GALNT18: variants seen among roughly 807,000 people sequenced by gnomAD.
The protein encoded by GALNT18 is GalNAc-transferase 18.
Under a neutral mutation model 69.5 loss-of-function variants are expected in GALNT18, and 44 were observed. The observed-to-expected ratio is 0.63, with a 90% CI of 0.50 to 0.81. GALNT18 has a LOEUF of 0.81. Among genes scored for constraint, GALNT18 ranks in the 40% least tolerant of loss-of-function variants. The probability of loss-of-function intolerance (pLI) is 0.00; values close to 1 mark genes in which losing one functional copy is unlikely to be tolerated. For missense variants in GALNT18, 715 were observed against 810.0 expected, an observed-to-expected ratio of 0.88 and a Z score of 1.42; for synonymous variants, 364 against 318.2, an observed-to-expected ratio of 1.14 and a Z score of -1.53.
chr11:11,335,165 C>A (rs562459034), intron 7 of GALNT18, among the ~76,000 whole-genome samples: 3 of 152,298 alleles, frequency 2.0e-5, no homozygotes, highest in Admixed American at 2.0e-4. Flanking sequence ...GGAAAAGTTT[C>A]TTTCTGCACT....
intron 6 of GALNT18, among the ~76,000 whole-genome samples, chr11:11,349,486 T>G (rs2133064918): frequency 6.6e-6 from 1 of 152,350 alleles, no homozygotes; most frequent in East Asian, 1.9e-4. Flanking sequence ...TTTGCCAATC[T>G]GATGGGCAAG....
In GALNT18 at chr11:11,402,468, A is replaced by G. The variant is rs932799579; in HGVS notation, c.596-23204T>C. 2.6e-5 allele frequency among the ~76,000 whole-genome samples: 4 copies of G among 152,288 alleles called. No homozygotes were observed. The South Asian group carries it at 8.3e-4, about 32-fold the overall frequency. On this transcript the variant is annotated intron_variant, in intron 3 of 10. Coordinates refer to ENST00000227756, the MANE Select transcript of GALNT18 (RefSeq NM_198516.3). The surrounding 1 kb of genome is among the most constrained non-coding windows in gnomAD (Gnocchi z 4.0). ...CCTCTGATCTGCTGCCATGCTGGGC[A>G]GAACTTTTCAGCAACAAAAAGCAAA...
intron 6 of GALNT18, among the ~76,000 whole-genome samples, chr11:11,346,097 T>A (rs1328034921): frequency 6.6e-6 from 1 of 152,244 alleles, no homozygotes; most frequent in African/African-American, 2.4e-5. Context: ...CTCTTTTGAT[T>A]TGCCCAGTGT....
rs1281654754 is a variant in GALNT18, at chr11:11,601,064, T to C, written c.235+20295A>G. Among the ~76,000 whole-genome samples, 1 of 152,204 alleles carries C rather than the reference T, an allele frequency of 6.6e-6. No homozygotes were observed. ...CATGATGCCTTTAATTTTTTCAGCA[T>C]AGTTTCCTTTAGTTCTTTGAACAAA... On this transcript the variant is annotated intron_variant, in intron 1 of 10. Transcript: ENST00000227756. The surrounding 1 kb of genome is among the most constrained non-coding windows in gnomAD (Gnocchi z 4.0).
Position 11,372,516 on chromosome 11 carries a change from C to T in GALNT18, c.1091G>A (p.Arg364Lys), listed in dbSNP as rs1198689965. The T allele has an allele frequency of 6.2e-7, 1 of 1,613,752 alleles. No homozygotes were observed. Among genetic ancestry groups the T allele is most frequent in the African/African-American group, 1.3e-5 (1 of 74,942 alleles). Residue 364 changes from arginine (R) to lysine (K), a missense_variant and splice_region_variant, in exon 6 of 11, where the codon AGG becomes AAG. Transcript: ENST00000227756. The surrounding 1 kb of genome is among the most constrained non-coding windows in gnomAD (Gnocchi z 4.9). ...GTTTGAGTGAGAAACCCCACTCACCCTGATCCCAAGCTCCACATTCTCGCC... is the reference window on the plus strand; with the variant it reads ...GTTTGAGTGAGAAACCCCACTCACCTTGATCCCAAGCTCCACATTCTCGCC... ...YGGENVELGI[R>K]VWQCGGSVEV... is the part of the protein sequence containing the mutation.
intron 9 of GALNT18, among the ~76,000 whole-genome samples, chr11:11,322,649 G>A (rs1849857538): frequency 6.6e-6 from 1 of 152,218 alleles, no homozygotes; most frequent in African/African-American, 2.4e-5. Flanking sequence ...AATACCAAAT[G>A]TTGGCAAGGA....
chr11:11,479,928 G>A (rs1406270148), intron 1 of GALNT18, among the ~76,000 whole-genome samples: 1 of 152,172 alleles, frequency 6.6e-6, no homozygotes, highest in African/African-American at 2.4e-5. Context: ...ACTGTGGAGA[G>A]GTAAGTTACC....
At position 11,495,188 on chromosome 11, in the gene GALNT18, G is replaced by A. The variant is rs182004987; in HGVS notation, c.236-46252C>T. 8.1e-3 allele frequency among the ~76,000 whole-genome samples: 1,235 copies of A among 152,294 alleles called. 11 individuals are homozygous for A. Among genetic ancestry groups the A allele is most frequent in the Admixed American group, 0.018 (273 of 15,298 alleles). On this transcript the variant is annotated intron_variant, in intron 1 of 10. Coordinates refer to ENST00000227756, the MANE Select transcript of GALNT18 (RefSeq NM_198516.3). ...CCTGGACTCGGGGTTTCGAACCGTA[G>A]GTTTCCAACTTTGTTTCCTACAGTC...
At chr11:11,397,168 G>T (rs1589968210) in intron 3 of GALNT18, among the ~76,000 whole-genome samples, 1 of 152,244 alleles carries the variant, frequency 6.6e-6, no homozygotes, top group East Asian at 1.9e-4. Context: ...GGTATTCTGG[G>T]CTTATCAACT....
intron 9 of GALNT18, among the ~76,000 whole-genome samples, chr11:11,299,938 C>T (rs1011662143): frequency 2.0e-5 from 3 of 152,208 alleles, no homozygotes; most frequent in African/African-American, 4.8e-5. Context: ...ACCAACACCT[C>T]AATACCTATG....
chr11:11,288,744 G>A (rs189902840), intron 10 of GALNT18, among the ~76,000 whole-genome samples: 43 of 152,328 alleles, frequency 2.8e-4, no homozygotes, highest in Non-Finnish European at 4.7e-4. Context: ...TCAGCCTGAA[G>A]TATTGGAAAT....
At position 11,439,560 on chromosome 11, in the gene GALNT18, T is replaced by C. The variant is rs1239038868; in HGVS notation, c.429-6773A>G. Among the ~76,000 whole-genome samples the C allele has an allele frequency of 6.6e-6, 1 of 152,234 alleles. No individual in the cohort carries two copies. Among genetic ancestry groups the C allele is most frequent in the Non-Finnish European group, 1.5e-5 (1 of 68,032 alleles). ...TACATGCTATTGCAACATGTTTTTATATGTGATCATTTAACAAACGTCAGT... is the reference window on the plus strand; with the variant it reads ...TACATGCTATTGCAACATGTTTTTACATGTGATCATTTAACAAACGTCAGT... On this transcript the variant is annotated intron_variant, in intron 2 of 10. Coordinates refer to ENST00000227756, the MANE Select transcript of GALNT18 (RefSeq NM_198516.3). This position sits in a 1 kb window ranked among gnomAD's most constrained non-coding sequence, Gnocchi z 4.4.
chr11:11,281,196 A>G (rs1460935388), intron 10 of GALNT18, among the ~76,000 whole-genome samples: 3 of 152,170 alleles, frequency 2.0e-5, no homozygotes, highest in Non-Finnish European at 4.4e-5. Flanking sequence ...GGAGCCAGGT[A>G]GAAAGGGAAG....
At chr11:11,533,590 C>A (rs4505056) in intron 1 of GALNT18, among the ~76,000 whole-genome samples, 5,949 of 152,270 alleles carry the variant, frequency 0.039, 418 homozygotes, top group African/African-American at 0.14. Context: ...ACCATGGCAC[C>A]CCACTCTCTC....
At position 11,396,468 on chromosome 11, in the gene GALNT18, C is replaced by A. The variant is rs570147736; in HGVS notation, c.596-17204G>T. Among the ~76,000 whole-genome samples, 1 of 152,140 alleles carries A rather than the reference C, an allele frequency of 6.6e-6. No homozygotes were observed. Among genetic ancestry groups the A allele is most frequent in the African/African-American group, 2.4e-5 (1 of 41,436 alleles). On this transcript the variant is annotated intron_variant, in intron 3 of 10. Coordinates refer to ENST00000227756, the MANE Select transcript of GALNT18 (RefSeq NM_198516.3). This position sits in a 1 kb window ranked among gnomAD's most constrained non-coding sequence, Gnocchi z 5.2. ...TCACGTGTGGGAGGTACCGATGAAT[C>A]AGACGAGGAAACTATCCAGATGGGA...
rs563583113 is a variant in GALNT18, at chr11:11,514,137, A to G, written c.236-65201T>C. Among the ~76,000 whole-genome samples, 3 of 152,362 alleles carry G rather than the reference A, an allele frequency of 2.0e-5. No individual in the cohort carries two copies. The South Asian group carries it at 6.2e-4, about 32-fold the overall frequency. ...AACTTGGACCCAAACCCATCCAATGATTCCCACATCACAGAAGAGGAAACT... is the reference window on the plus strand; with the variant it reads ...AACTTGGACCCAAACCCATCCAATGGTTCCCACATCACAGAAGAGGAAACT... On this transcript the variant is annotated intron_variant, in intron 1 of 10. Transcript: ENST00000227756.
At chr11:11,357,401 A>G (rs1174595646) in intron 6 of GALNT18, among the ~76,000 whole-genome samples, 1 of 152,164 alleles carries the variant, frequency 6.6e-6, no homozygotes, top group Non-Finnish European at 1.5e-5. Context: ...ACAATCTCCA[A>G]GGAGTCCCTC....
Position 11,347,005 on chromosome 11 carries a change from G to A in GALNT18, c.1093-6001C>T, listed in dbSNP as rs796781233. 1.3e-5 allele frequency among the ~76,000 whole-genome samples: 2 copies of A among 152,140 alleles called. No homozygotes were observed. Among genetic ancestry groups the A allele is most frequent in the South Asian group, 2.1e-4 (1 of 4,830 alleles). Reference sequence around the variant, plus strand: ...ATGACAAGCTCCCACGAGCAAAGGCGGGCATGTAGTGGGTTCTCAGGGAGG... The same window carrying A: ...ATGACAAGCTCCCACGAGCAAAGGCAGGCATGTAGTGGGTTCTCAGGGAGG... On this transcript the variant is annotated intron_variant, in intron 6 of 10. Coordinates refer to ENST00000227756, the MANE Select transcript of GALNT18 (RefSeq NM_198516.3). The surrounding 1 kb of genome is among the most constrained non-coding windows in gnomAD (Gnocchi z 4.0).
In GALNT18 at chr11:11,591,932, C is replaced by T. The variant is rs750561669; in HGVS notation, c.235+29427G>A. Reference sequence around the variant, plus strand: ...GACCACATAGAGTCAATTCCTATCCCAACACATGCTGACTGAGTGACCTCA... The same window carrying T: ...GACCACATAGAGTCAATTCCTATCCTAACACATGCTGACTGAGTGACCTCA... On this transcript the variant is annotated intron_variant, in intron 1 of 10. Coordinates refer to ENST00000227756, the MANE Select transcript of GALNT18 (RefSeq NM_198516.3). This position sits in a 1 kb window ranked among gnomAD's most constrained non-coding sequence, Gnocchi z 4.8. Among the ~76,000 whole-genome samples the T allele has an allele frequency of 1.3e-5, 2 of 152,160 alleles. No individual in the cohort carries two copies. Among genetic ancestry groups the T allele is most frequent in the East Asian group, 3.8e-4 (2 of 5,204 alleles).
Sources: gnomAD v4.1 joint callset for allele counts (sites outside exome capture counted in the v4.1 genomes callset) on GRCh38, gnomAD v4.1.1 for gene constraint, Gnocchi (gnomAD v3.1) non-coding constraint, MANE v1.5 for transcripts, NCBI Gene and HGNC (gene_info 2026-07-23, HGNC 2026-07-21) for gene names.